Variants in ZNF346 observed in about 807,000 individuals in gnomAD.
The protein encoded by ZNF346 is double-stranded RNA-binding zinc finger protein JAZ.
A neutral mutation model predicts 33.7 loss-of-function variants in ZNF346; 23 were observed. The observed-to-expected ratio is 0.68, with a 90% CI of 0.49 to 0.97. The LOEUF (loss-of-function observed/expected upper bound fraction) is 0.97, where lower values mean the gene tolerates loss of function less well. Among genes scored for constraint, ZNF346 ranks in the 50% least tolerant of loss-of-function variants. The probability of loss-of-function intolerance (pLI) is 0.00; values close to 1 mark genes in which losing one functional copy is unlikely to be tolerated. For missense variants in ZNF346, 340 were observed against 371.1 expected, an observed-to-expected ratio of 0.92 and a Z score of 0.69; for synonymous variants, 134 against 142.4, an observed-to-expected ratio of 0.94 and a Z score of 0.42.
intron 1 of ZNF346, 173 bp downstream of exon 1, chr5:177,023,086 A>G (rs1776083614): frequency 6.9e-7 from 1 of 1,443,676 alleles, no homozygotes; most frequent in Non-Finnish European, 9.4e-7. Context: ...TCGGGCCCCC[A>G]GCGCGCTGAG....
intron 1 of ZNF346, among the ~76,000 whole-genome samples, chr5:177,037,309 C>A (rs931648679): frequency 3.9e-5 from 6 of 152,150 alleles, no homozygotes; most frequent in African/African-American, 9.7e-5. Context: ...TCTTCCAGCC[C>A]CACAGTGTTC....
chr5:177,072,068 T>C (rs1056120823), downstream of ZNF346, among the ~76,000 whole-genome samples: 5 of 152,220 alleles, frequency 3.3e-5, no homozygotes, highest in Admixed American at 2.6e-4. Context: ...CCTGGGACTT[T>C]ACTGTTTGAT....
At chr5:177,068,018 G>C (rs1349509195), downstream of ZNF346, among the ~76,000 whole-genome samples, 2 of 152,162 alleles carry the variant, frequency 1.3e-5, no homozygotes, top group African/African-American at 4.8e-5. Context: ...ATTTGCCCAA[G>C]GTCTTGCCTC....
intron 4 of ZNF346, among the ~76,000 whole-genome samples, chr5:177,048,131 A>G (rs555583098): frequency 1.6e-4 from 25 of 152,224 alleles, no homozygotes; most frequent in Non-Finnish European, 2.6e-4. Context: ...ATCTCTGTAG[A>G]ACACTTTATT....
At chr5:177,025,492 G>T (rs910947643) in intron 1 of ZNF346, among the ~76,000 whole-genome samples, 1 of 152,076 alleles carries the variant, frequency 6.6e-6, no homozygotes, top group Admixed American at 6.6e-5. Flanking sequence ...TTCCAAAATG[G>T]CTTCACCTTT....
intron 1 of ZNF346, chr5:177,023,383 C>T (rs1240221022): frequency 1.5e-6 from 1 of 657,468 alleles, no homozygotes; most frequent in African/African-American, 1.8e-5. Flanking sequence ...TGGGTTCCTC[C>T]TGGTCTTGAT....
chr5:177,078,236 C>T (rs528064630), intron 8 of ZNF346, among the ~76,000 whole-genome samples: 8 of 152,122 alleles, frequency 5.3e-5, no homozygotes, highest in African/African-American at 1.9e-4. Context: ...GCCTGGAAAG[C>T]GGGGAGGACA....
intron 1 of ZNF346, among the ~76,000 whole-genome samples, chr5:177,025,916 T>C (rs1776695128): frequency 6.6e-6 from 1 of 152,146 alleles, no homozygotes; most frequent in Non-Finnish European, 1.5e-5. Context: ...TATTGTGCTT[T>C]AGTGTCATAT....
exon 9 of ZNF346, chr5:177,080,686 T>C (rs1783942585): frequency 6.6e-6 from 1 of 152,314 alleles, no homozygotes; most frequent in Non-Finnish European, 1.5e-5. Flanking sequence ...CACACACCCG[T>C]AATCCCAGCT....
At chr5:177,057,890 C>A (rs896019721) in intron 5 of ZNF346, among the ~76,000 whole-genome samples, 2 of 151,132 alleles carry the variant, frequency 1.3e-5, no homozygotes, top group Non-Finnish European at 2.9e-5. Context: ...GGCGCAATCT[C>A]GGCTTACTGC....
intron 6 of ZNF346, 112 bp downstream of exon 6, chr5:177,062,263 C>A: frequency 2.5e-6 from 2 of 814,526 alleles, no homozygotes; most frequent in African/African-American, 1.7e-5. Flanking sequence ...AGTCTTTTTT[C>A]AGTGAACAGA....
intron 1 of ZNF346, among the ~76,000 whole-genome samples, chr5:177,036,151 C>G (rs1426883999): frequency 6.6e-6 from 1 of 152,052 alleles, no homozygotes; most frequent in Non-Finnish European, 1.5e-5. Flanking sequence ...AGAGCTGAAA[C>G]AACAGCGGGG....
At chr5:177,026,612 T>C (rs1776821174) in intron 1 of ZNF346, among the ~76,000 whole-genome samples, 1 of 152,126 alleles carries the variant, frequency 6.6e-6, no homozygotes, top group Non-Finnish European at 1.5e-5. Context: ...TCCACCAGCC[T>C]TGGCCTCCCG....
chr5:177,040,180 C>CA (rs544181183), intron 1 of ZNF346, among the ~76,000 whole-genome samples: 36,501 of 121,394 alleles, frequency 0.3, 5,458 homozygotes, highest in African/African-American at 0.45. Flanking sequence ...GACTCCCTCT[C>CA]AAAAAAAAAA....
downstream of ZNF346, among the ~76,000 whole-genome samples, chr5:177,069,917 C>A (rs1201668947): frequency 6.6e-6 from 1 of 152,240 alleles, no homozygotes; most frequent in Non-Finnish European, 1.5e-5. Flanking sequence ...CCACCTTAGC[C>A]TCCCAAAGTG....
chr5:177,061,995 A>G, intron 5 of ZNF346, 63 bp from the exon 6 acceptor site: 1 of 1,450,384 alleles, frequency 6.9e-7, no homozygotes, highest in Non-Finnish European at 9.6e-7. Flanking sequence ...ACACTCTGAA[A>G]AGCAACGGTC....
intron 1 of ZNF346, among the ~76,000 whole-genome samples, chr5:177,031,998 C>CTTTTTT (rs34021834): frequency 0.012 from 838 of 67,740 alleles, 1 homozygote; most frequent in East Asian, 0.019. Flanking sequence ...TTTCTTTTTT[C>CTTTTTT]TTTTTTTTTT....
intron 1 of ZNF346, among the ~76,000 whole-genome samples, chr5:177,034,789 A>C (rs1384502626): frequency 6.6e-6 from 1 of 152,232 alleles, no homozygotes; most frequent in African/African-American, 2.4e-5. Flanking sequence ...CTGTCAAAAA[A>C]GGTCATGGAA....
At chr5:177,035,623 G>A (rs1320474725) in intron 1 of ZNF346, among the ~76,000 whole-genome samples, 1 of 145,292 alleles carries the variant, frequency 6.9e-6, no homozygotes, top group Admixed American at 6.9e-5. Flanking sequence ...CATCACACCC[G>A]GCTAATTGAC....
Sources: gnomAD v4.1 joint callset for allele counts (sites outside exome capture counted in the v4.1 genomes callset) on GRCh38, gnomAD v4.1.1 for gene constraint, MANE v1.5 for transcripts, NCBI Gene and HGNC (gene_info 2026-07-23, HGNC 2026-07-21) for gene names.